The following BICRA variants were observed in gnomAD, a reference collection of about 807,000 sequenced individuals.
BICRA encodes the protein BRD4-interacting chromatin-remodeling complex-associated protein.
BICRA carries 31 observed loss-of-function variants against 96.9 expected under a neutral mutation model. The ratio of observed to expected loss-of-function variants is 0.32; its 90% CI spans 0.24 to 0.43. The LOEUF (loss-of-function observed/expected upper bound fraction) is 0.43. BICRA is among the 20% of genes least tolerant of loss of function. BICRA has a pLI of 1.00. For missense variants in BICRA, 2,283 were observed against 2,190.3 expected (o/e 1.04, Z -0.84); for synonymous variants, 1,350 against 1,071.8 (o/e 1.26, Z -5.07).
intron 1 of BICRA, among the ~76,000 whole-genome samples, chr19:47,643,123 C>A (rs1167275298): frequency 6.6e-6 from 1 of 152,222 alleles, no homozygotes; most frequent in African/African-American, 2.4e-5. Flanking sequence ...GCGCCCTCCA[C>A]CATGCCCGGC....
chr19:47,658,280 G>A (rs1316354370), intron 1 of BICRA, among the ~76,000 whole-genome samples: 2 of 152,112 alleles, frequency 1.3e-5, no homozygotes, highest in African/African-American at 4.8e-5. Flanking sequence ...TAGCCTTCCT[G>A]AGCCTCAGAG....
chr19:47,622,259 C>T (rs967558288), intron 1 of BICRA, among the ~76,000 whole-genome samples: 15 of 151,602 alleles, frequency 9.9e-5, no homozygotes, highest in South Asian at 4.2e-4. Flanking sequence ...CCACCACTCC[C>T]GGCCATACTT....
intron 1 of BICRA, among the ~76,000 whole-genome samples, chr19:47,626,730 T>G (rs2123517443): frequency 6.9e-6 from 1 of 145,758 alleles, no homozygotes; most frequent in Non-Finnish European, 1.5e-5. Context: ...TTTTTTTTTT[T>G]TTTTTTTCTG....
chr19:47,653,015 C>CTTTT lies in BICRA; in HGVS notation c.-107-17408_-107-17405dup, dbSNP rs869230602. Among the ~76,000 whole-genome samples the CTTTT allele has an allele frequency of 4.0e-4, 46 of 113,598 alleles. 1 individual carries two copies. The highest frequency in any genetic ancestry group is 4.4e-4 in the Non-Finnish European group (25 of 56,690). 74.5% of individuals were successfully genotyped at this position (113,598 alleles called of 152,430 possible). A position where few individuals can be genotyped will look rare whatever the true frequency, so the allele number is the denominator to read the frequency against. Reference sequence around the variant, plus strand: ...TCAGTACACAAAGAACGTCCTCATTCTTTTTTTTTTTTTTTTTTTTTTTCC... The same window carrying CTTTT: ...TCAGTACACAAAGAACGTCCTCATTCTTTTTTTTTTTTTTTTTTTTTTTTTTTCC... On this transcript the variant is annotated intron_variant, in intron 1 of 14. Transcript: ENST00000594866.
chr19:47,702,036 T>G lies in BICRA; in HGVS notation c.4304T>G (p.Val1435Gly), dbSNP rs1973464817. ...GGGCTCATCCGCGAGCTGGCGGCCGTGGAGGACGAGCTGTACCAGCGTATG... is the reference window on the plus strand; with the variant it reads ...GGGCTCATCCGCGAGCTGGCGGCCGGGGAGGACGAGCTGTACCAGCGTATG... ...TSGLIRELAA[V>G]EDELYQRMLK... Residue 1435 changes from valine to glycine, a missense_variant, in exon 15 of 15, where the codon GTG becomes GGG. Physicochemically the swap from Val to Gly is moderately radical, Grantham distance 109. Transcript: ENST00000594866. 6 of 1,491,794 alleles carry G rather than the reference T, an allele frequency of 4.0e-6. No individual in the cohort carries two copies. In the Admixed American group the frequency reaches 1.2e-4, roughly 29 times the overall value. The allele number at this position is 1,491,794 out of a possible 1,614,324, so 92.4% of individuals were successfully genotyped here.
chr19:47,693,154 G>A (rs1272905876), intron 7 of BICRA, among the ~76,000 whole-genome samples: 2 of 152,260 alleles, frequency 1.3e-5, no homozygotes, highest in African/African-American at 4.8e-5. Context: ...GTATCACGGT[G>A]CCAGCCCAGT....
chr19:47,695,179 C>T, intron 9 of BICRA, 99 bp downstream of exon 9: 2 of 854,322 alleles, frequency 2.3e-6, no homozygotes, highest in South Asian at 3.4e-5. Context: ...CTGTGGGACT[C>T]AGCACAGGGC....
intron 7 of BICRA, among the ~76,000 whole-genome samples, chr19:47,682,502 C>A (rs889155766): frequency 6.6e-6 from 1 of 152,180 alleles, no homozygotes; most frequent in African/African-American, 2.4e-5. Context: ...TGAACCGTGG[C>A]CTCCTGTTGT....
chr19:47,659,792 C>A (rs1972678350), intron 1 of BICRA, among the ~76,000 whole-genome samples: 1 of 151,992 alleles, frequency 6.6e-6, no homozygotes, highest in South Asian at 2.1e-4. Context: ...CTCTGTCACC[C>A]AGGCTGTGGT....
intron 7 of BICRA, among the ~76,000 whole-genome samples, chr19:47,690,219 C>T (rs969498243): frequency 6.6e-5 from 10 of 152,230 alleles, no homozygotes; most frequent in East Asian, 1.9e-4. Flanking sequence ...CCAGGCTGGT[C>T]TCAAACTCCT....
chr19:47,619,051 G>C (rs112015997), intron 1 of BICRA, among the ~76,000 whole-genome samples: 2,173 of 152,260 alleles, frequency 0.014, 27 homozygotes, highest in Non-Finnish European at 0.02. Flanking sequence ...CCTGGGTGCG[G>C]GAGTTCTCCC....
intron 1 of BICRA, among the ~76,000 whole-genome samples, chr19:47,661,443 C>T (rs565213991): frequency 3.2e-4 from 49 of 150,926 alleles, no homozygotes; most frequent in Non-Finnish European, 5.0e-4. Flanking sequence ...AGGGGGTTCG[C>T]GGGGAGGAGC....
Position 47,694,415 on chromosome 19 carries a change from C to A in BICRA, c.2584C>A (p.Leu862Ile), listed in dbSNP as rs1479829984. ...TGCCCCAGGCCCGCCGCAGCCGCCT[C>A]TCCGCCCCCAGTCCCAGCCGCCTGA... ...PTAPGPPQPP[L>I]RPQSQPPEGP... Residue 862 changes from leucine (L) to isoleucine (I), a missense_variant, in exon 8 of 15, where the codon CTC becomes ATC. Physicochemically the swap from Leu to Ile is conservative, Grantham distance 5. Transcript: ENST00000594866. The A allele has an allele frequency of 4.8e-6, 5 of 1,045,012 alleles. No individual in the cohort carries two copies. Among genetic ancestry groups the A allele is most frequent in the Non-Finnish European group, 7.3e-6 (5 of 683,394 alleles). 64.7% of individuals were successfully genotyped at this position (1,045,012 alleles called of 1,614,324 possible).
chr19:47,662,246 G>A (rs991719772), intron 1 of BICRA: 3 of 152,684 alleles, frequency 2.0e-5, no homozygotes, highest in African/African-American at 7.2e-5. Flanking sequence ...GACAGCTGGT[G>A]ACTGCGTCTA....
intron 1 of BICRA, among the ~76,000 whole-genome samples, chr19:47,617,486 C>T (rs1395693180): frequency 2.6e-5 from 4 of 151,996 alleles, no homozygotes; most frequent in Non-Finnish European, 5.9e-5. Flanking sequence ...GCCTCAGTCT[C>T]CCGAGTAGCT....
At chr19:47,618,337 C>A (rs575286587) in intron 1 of BICRA, among the ~76,000 whole-genome samples, 1 of 152,202 alleles carries the variant, frequency 6.6e-6, no homozygotes, top group Non-Finnish European at 1.5e-5. Flanking sequence ...AAGCTATTTC[C>A]CTCCTTTAGT....
In BICRA at chr19:47,643,695, G is replaced by T. The variant is rs140559184; in HGVS notation, c.-107-26748G>T. Among the ~76,000 whole-genome samples, 69 of 152,296 alleles carry T rather than the reference G, an allele frequency of 4.5e-4. 1 individual carries two copies. Among genetic ancestry groups the T allele is most frequent in the African/African-American group, 1.6e-3 (66 of 41,564 alleles). ...ACATTTTCATGGTTTTGCTTTTCTC[G>T]TGGTGGCCCTAACAGTTAACATCGG... On this transcript the variant is annotated intron_variant, in intron 1 of 14. Coordinates refer to ENST00000594866, the MANE Select transcript of BICRA (RefSeq NM_001394372.1).
At chr19:47,694,837 C>A in intron 8 of BICRA, 63 bp from the exon 9 acceptor site, 1 of 1,272,280 alleles carries the variant, frequency 7.9e-7, no homozygotes, top group Non-Finnish European at 1.1e-6. Flanking sequence ...AGCCCTGCTG[C>A]GTCTGGACAC....
At chr19:47,610,598 C>G (rs1052186881) in intron 1 of BICRA, among the ~76,000 whole-genome samples, 3 of 78,350 alleles carry the variant, frequency 3.8e-5, no homozygotes, top group African/African-American at 1.3e-4. Flanking sequence ...GACCATCGTC[C>G]CCTTTTGTCA....
Sources: gnomAD v4.1 joint callset for allele counts (sites outside exome capture counted in the v4.1 genomes callset) on GRCh38, gnomAD v4.1.1 for gene constraint, MANE v1.5 for transcripts, NCBI Gene and HGNC (gene_info 2026-07-23, HGNC 2026-07-21) for gene names.